The following MEI4 variants were observed in gnomAD, a reference collection of about 807,000 sequenced individuals.
The protein encoded by MEI4 is meiosis-specific protein MEI4.
A neutral mutation model predicts 31.4 loss-of-function variants in MEI4; 27 were observed. The ratio of observed to expected loss-of-function variants is 0.86; its 90% CI spans 0.63 to 1.19. The LOEUF (loss-of-function observed/expected upper bound fraction) is 1.19. MEI4 is among the 50% of genes most tolerant of loss of function. The pLI is 0.00. For synonymous variants in MEI4, 122 were observed against 145.4 expected, an observed-to-expected ratio of 0.84 and a Z score of 1.16; for missense variants, 329 against 398.9, an observed-to-expected ratio of 0.82 and a Z score of 1.49.
intron 2 of MEI4, among the ~76,000 whole-genome samples, chr6:77,695,279 T>C (rs974652888): frequency 2.0e-5 from 3 of 152,080 alleles, no homozygotes; most frequent in Admixed American, 2.0e-4. Context: ...TAGATCCCAT[T>C]TGTCAATTTT....
intron 2 of MEI4, among the ~76,000 whole-genome samples, chr6:77,697,009 C>G (rs540142036): frequency 6.6e-6 from 1 of 152,022 alleles, no homozygotes; most frequent in Non-Finnish European, 1.5e-5. Context: ...GTGTATGTGT[C>G]GAGGAATTTA....
intron 4 of MEI4, among the ~76,000 whole-genome samples, chr6:77,907,113 A>G (rs1407518055): frequency 6.6e-6 from 1 of 152,152 alleles, no homozygotes; most frequent in Non-Finnish European, 1.5e-5. Flanking sequence ...GCAAAATAAA[A>G]CATGGGAGAA....
intron 1 of MEI4, among the ~76,000 whole-genome samples, chr6:77,686,062 C>G (rs938857024): frequency 6.6e-6 from 1 of 151,996 alleles, no homozygotes; most frequent in African/African-American, 2.4e-5. Flanking sequence ...CTGGGACCTC[C>G]CTCCCTTTCT....
At chr6:77,754,100 G>C (rs907048716) in intron 2 of MEI4, among the ~76,000 whole-genome samples, 2 of 151,982 alleles carry the variant, frequency 1.3e-5, no homozygotes, top group African/African-American at 4.8e-5. Context: ...TGTCCTGTAG[G>C]GGGTTAGGGG....
At chr6:77,893,402 CAG>C (rs1177889113) in intron 4 of MEI4, among the ~76,000 whole-genome samples, 1 of 152,188 alleles carries the variant, frequency 6.6e-6, no homozygotes, top group Non-Finnish European at 1.5e-5. Context: ...ATTTTCTAAA[CAG>C]AGATTTGCTG....
chr6:77,792,346 T>C (rs1458502899), intron 3 of MEI4, among the ~76,000 whole-genome samples: 1 of 152,196 alleles, frequency 6.6e-6, no homozygotes, highest in Non-Finnish European at 1.5e-5. Context: ...ATGACAGTTG[T>C]AGTTTTTCGG....
intron 3 of MEI4, among the ~76,000 whole-genome samples, chr6:77,769,428 C>T (rs1233819684): frequency 1.3e-5 from 2 of 152,130 alleles, no homozygotes; most frequent in Non-Finnish European, 2.9e-5. Context: ...GCAACCTAGA[C>T]CACAAGGACT....
chr6:77,695,251 G>A (rs1765994850), intron 2 of MEI4, among the ~76,000 whole-genome samples: 2 of 151,996 alleles, frequency 1.3e-5, no homozygotes, highest in South Asian at 4.1e-4. Flanking sequence ...TTGCTGTGCA[G>A]AAGCTCTTTA....
intron 4 of MEI4, among the ~76,000 whole-genome samples, chr6:77,867,308 T>A (rs1225212701): frequency 6.6e-6 from 1 of 152,010 alleles, no homozygotes; most frequent in African/African-American, 2.4e-5. Context: ...TGGGAGAAAA[T>A]TTTTGCAATC....
chr6:77,887,352 A>AG (rs756346808), intron 4 of MEI4, among the ~76,000 whole-genome samples: 121 of 151,792 alleles, frequency 8.0e-4, no homozygotes, highest in Non-Finnish European at 1.4e-3. Context: ...AGTGGAGTGC[A>AG]GTGGCCTGAT....
At chr6:77,777,262 A>T (rs766460326) in intron 3 of MEI4, among the ~76,000 whole-genome samples, 11 of 152,206 alleles carry the variant, frequency 7.2e-5, no homozygotes, top group Non-Finnish European at 1.5e-4. Context: ...AGAACCACAA[A>T]GGAGAATTTG....
chr6:77,656,581 C>T (rs775124892), intron 1 of MEI4, among the ~76,000 whole-genome samples: 16 of 152,110 alleles, frequency 1.1e-4, no homozygotes, highest in Non-Finnish European at 1.8e-4. Flanking sequence ...AACTCTAGTG[C>T]CTGGCACAAT....
chr6:77,901,990 C>CT (rs1160662332), intron 4 of MEI4, among the ~76,000 whole-genome samples: 2 of 151,914 alleles, frequency 1.3e-5, no homozygotes, highest in East Asian at 3.9e-4. Flanking sequence ...TATTTTTGTT[C>CT]TTTTTTGGGA....
intron 1 of MEI4, among the ~76,000 whole-genome samples, chr6:77,655,709 G>A (rs1028557721): frequency 2.0e-5 from 3 of 151,840 alleles, no homozygotes; most frequent in African/African-American, 7.3e-5. Context: ...ATTACTTTTG[G>A]GAGCACTATT....
At chr6:77,671,548 G>A (rs1768740793) in intron 1 of MEI4, among the ~76,000 whole-genome samples, 1 of 152,108 alleles carries the variant, frequency 6.6e-6, no homozygotes, top group South Asian at 2.1e-4. Context: ...ATGTCTCAAG[G>A]TCACAGTTTG....
At chr6:77,890,145 A>G (rs996650268) in intron 4 of MEI4, among the ~76,000 whole-genome samples, 24 of 152,208 alleles carry the variant, frequency 1.6e-4, no homozygotes, top group African/African-American at 5.8e-4. Flanking sequence ...GAGGGCCACC[A>G]TCGTCCAGAC....
In MEI4 at chr6:77,668,246, C is replaced by T. The variant is rs547206812; in HGVS notation, c.-15+15154C>T. Among the ~76,000 whole-genome samples the T allele has an allele frequency of 3.9e-5, 6 of 152,244 alleles. No homozygotes were observed. In the East Asian group the frequency reaches 1.2e-3, roughly 29 times the overall value. On this transcript the variant is annotated intron_variant, in intron 1 of 4. Transcript: ENST00000684080. Reference sequence around the variant, plus strand: ...TTGCAGGGGAGAGCATGAAGGTTTGCTTTAGGTCCTTGGAGGGTGATTTGG... The same window carrying T: ...TTGCAGGGGAGAGCATGAAGGTTTGTTTTAGGTCCTTGGAGGGTGATTTGG...
In MEI4 at chr6:77,852,233, C is replaced by A. The variant is rs777124137; in HGVS notation, c.900+23171C>A. Among the ~76,000 whole-genome samples, 61 of 152,134 alleles carry A rather than the reference C, an allele frequency of 4.0e-4. 1 individual carries two copies. The highest frequency in any genetic ancestry group is 1.4e-3 in the African/African-American group (59 of 41,498). On this transcript the variant is annotated intron_variant, in intron 4 of 4. Transcript: ENST00000684080. Reference sequence around the variant, plus strand: ...AATGGTTAAAAACGAACAAAGCAAGCAACAGCAGTAAAAAACTTTGAAAAT... The same window carrying A: ...AATGGTTAAAAACGAACAAAGCAAGAAACAGCAGTAAAAAACTTTGAAAAT...
rs56945277 is a variant in MEI4 at position 77,761,681 on chromosome 6, C to T, written c.768+16C>T. On this transcript the variant is annotated intron_variant, in intron 3 of 4. Coordinates refer to ENST00000684080, the MANE Select transcript of MEI4 (RefSeq NM_001322247.2). ...TATAAATCAGGTGAGTAATAAATCC[C>T]TCTTTTATTCCTAAAATGCTAGTAA... 346 of 1,217,026 alleles carry T rather than the reference C, an allele frequency of 2.8e-4. No individual in the cohort carries two copies. In the African/African-American group the frequency reaches 4.9e-3, roughly 17 times the overall value. The allele number at this position is 1,217,026 out of a possible 1,614,324, so 75.4% of individuals were successfully genotyped here.
Sources: gnomAD v4.1 joint callset for allele counts (sites outside exome capture counted in the v4.1 genomes callset) on GRCh38, gnomAD v4.1.1 for gene constraint, MANE v1.5 for transcripts, NCBI Gene and HGNC (gene_info 2026-07-23, HGNC 2026-07-21) for gene names.